LITAF: variants seen among roughly 807,000 people sequenced by gnomAD.
LITAF encodes the protein lipopolysaccharide-induced tumor necrosis factor-alpha factor.
Under a neutral mutation model 14.5 loss-of-function variants are expected in LITAF, and 9 were observed. The ratio of observed to expected loss-of-function variants is 0.62; its 90% CI spans 0.37 to 1.08. The LOEUF (loss-of-function observed/expected upper bound fraction) is 1.08, where lower values mean the gene tolerates loss of function less well. Ranked by LOEUF, LITAF falls within the 50% of genes least tolerant of loss-of-function variation. The probability of loss-of-function intolerance (pLI) is 0.01; values close to 1 mark genes in which losing one functional copy is unlikely to be tolerated. For synonymous variants in LITAF, 98 were observed against 88.2 expected (o/e 1.11, Z -0.62); for missense variants, 206 against 213.4 (o/e 0.97, Z 0.22).
intron 1 of LITAF, among the ~76,000 whole-genome samples, chr16:11,557,610 C>T (rs1455055530): frequency 2.0e-5 from 3 of 152,040 alleles, no homozygotes; most frequent in Non-Finnish European, 2.9e-5. Flanking sequence ...CCCCCCCGCC[C>T]GGCTAATGTT....
chr16:11,585,600 C>A (rs888702454), intron 1 of LITAF, among the ~76,000 whole-genome samples: 11 of 152,134 alleles, frequency 7.2e-5, no homozygotes, highest in African/African-American at 2.4e-4. Flanking sequence ...TCTCTGTAGG[C>A]ATCTGGGTTA....
intron 1 of LITAF, among the ~76,000 whole-genome samples, chr16:11,580,905 C>T (rs922035449): frequency 3.9e-5 from 6 of 152,190 alleles, no homozygotes; most frequent in African/African-American, 1.2e-4. Flanking sequence ...GCTGGGATCA[C>T]AGGCATGAGC....
At position 11,549,288 on chromosome 16, in the gene LITAF, C is replaced by T; in HGVS notation, c.*349G>A. 2.2e-6 allele frequency: 1 copy of T among 445,662 alleles called. No individual in the cohort carries two copies. The highest frequency in any genetic ancestry group is 1.6e-5 in the South Asian group (1 of 63,474). 27.6% of individuals were successfully genotyped at this position (445,662 alleles called of 1,614,324 possible). ...AGTTTGAGACTGCCACCAGAAAGGC[C>T]CATGGAAGCAGGAAAAAAGAGCCAC... On this transcript the variant is annotated 3_prime_UTR_variant, in exon 4 of 4. Transcript: ENST00000622633. The surrounding 1 kb of genome is among the most constrained non-coding windows in gnomAD (Gnocchi z 4.6).
chr16:11,554,152 A>C (rs2064229485), intron 2 of LITAF, among the ~76,000 whole-genome samples: 1 of 152,160 alleles, frequency 6.6e-6, no homozygotes, highest in South Asian at 2.1e-4. Context: ...GGATCAGTTG[A>C]GTCTGAGAGA....
In LITAF at chr16:11,632,376, TGACAGAGACAGGGAGAGG is replaced by T. The variant is rs903177699; in HGVS notation, c.85+1139_85+1156del. On this transcript the variant is annotated intron_variant, in intron 3 of 3. Coordinates refer to the LITAF transcript ENST00000574848. The surrounding 1 kb of genome is among the most constrained non-coding windows in gnomAD (Gnocchi z 4.8). ...AGAGAAGGTGAAGGAGGCACCGAGA[TGACAGAGACAGGGAGAGG>T]GACAGAGACAGGGAGAGGGACAGAG... Among the ~76,000 whole-genome samples, 12 of 149,166 alleles carry T rather than the reference TGACAGAGACAGGGAGAGG, an allele frequency of 8.0e-5. No homozygotes were observed. Among genetic ancestry groups the T allele is most frequent in the African/African-American group, 2.0e-4 (8 of 40,506 alleles).
intron 1 of LITAF, among the ~76,000 whole-genome samples, chr16:11,564,988 C>A (rs1047410107): frequency 1.4e-5 from 2 of 145,036 alleles, no homozygotes; most frequent in Non-Finnish European, 1.5e-5. Flanking sequence ...TACGAACTTA[C>A]TAAATGCACT....
At chr16:11,584,726 C>T (rs8050192) in intron 1 of LITAF, among the ~76,000 whole-genome samples, 21,267 of 152,116 alleles carry the variant, frequency 0.14, 1,739 homozygotes, top group South Asian at 0.23. Flanking sequence ...GCTTTTTCGC[C>T]GGTGTGTGTT....
At chr16:11,561,929 G>C (rs979200705) in intron 1 of LITAF, among the ~76,000 whole-genome samples, 1 of 151,116 alleles carries the variant, frequency 6.6e-6, no homozygotes, top group African/African-American at 2.4e-5. Context: ...AAGGGAGAAA[G>C]AAAGAGAGAA....
chr16:11,597,522 G>T (rs1288844394), intron 1 of LITAF, among the ~76,000 whole-genome samples: 2 of 152,112 alleles, frequency 1.3e-5, no homozygotes, highest in Non-Finnish European at 2.9e-5. Context: ...GAGAGGTCAG[G>T]CAGGTTGTCA....
intron 1 of LITAF, among the ~76,000 whole-genome samples, chr16:11,560,796 G>C (rs2141737959): frequency 6.6e-6 from 1 of 152,298 alleles, no homozygotes; most frequent in Admixed American, 6.5e-5. Flanking sequence ...GGAGGGCAGG[G>C]TGGGGCTGTA....
At chr16:11,568,641 G>C (rs1166253016) in intron 1 of LITAF, among the ~76,000 whole-genome samples, 4 of 151,148 alleles carry the variant, frequency 2.6e-5, no homozygotes, top group Non-Finnish European at 5.9e-5. Flanking sequence ...TCCACCTTCA[G>C]TGCTTGCTTG....
intron 3 of LITAF, among the ~76,000 whole-genome samples, chr16:11,614,224 T>C (rs2065002613): frequency 6.6e-6 from 1 of 152,142 alleles, no homozygotes; most frequent in Non-Finnish European, 1.5e-5. Flanking sequence ...AATCAAGATG[T>C]CAGCGGGCTG....
upstream of LITAF, among the ~76,000 whole-genome samples, chr16:11,588,406 G>A (rs1446655427): frequency 6.6e-6 from 1 of 152,016 alleles, no homozygotes; most frequent in African/African-American, 2.4e-5. Flanking sequence ...AGGAGGCTGA[G>A]GTGGGAGGAT....
intron 1 of LITAF, among the ~76,000 whole-genome samples, chr16:11,582,273 GAAAACAAGA>G (rs2064749401): frequency 8.7e-6 from 1 of 115,524 alleles, no homozygotes; most frequent in East Asian, 2.7e-4. Context: ...TAAAGGGTTT[GAAAACAAGA>G]GCAAGATATA....
At chr16:11,622,326 T>C (rs955611975) in intron 3 of LITAF, among the ~76,000 whole-genome samples, 12 of 152,248 alleles carry the variant, frequency 7.9e-5, no homozygotes, top group African/African-American at 2.7e-4. Flanking sequence ...CCAAGCCGCC[T>C]GCGGCCTCCC....
rs1424637845 is a variant in LITAF at position 11,619,568 on chromosome 16, G to GT, written c.85+13964dup. Among the ~76,000 whole-genome samples the GT allele has an allele frequency of 1.5e-4, 23 of 150,282 alleles. No homozygotes were observed. In the East Asian group the frequency reaches 3.5e-3, roughly 23 times the overall value. Reference sequence around the variant, plus strand: ...GGCTTATATTCTACTTTCCCACTTTGTTTTTGTTTTTTTTTTTGGAGACAG... The same window carrying GT: ...GGCTTATATTCTACTTTCCCACTTTGTTTTTTGTTTTTTTTTTTGGAGACAG... On this transcript the variant is annotated intron_variant, in intron 3 of 3. Coordinates refer to the LITAF transcript ENST00000574848.
intron 1 of LITAF, among the ~76,000 whole-genome samples, chr16:11,565,459 G>A (rs2064436984): frequency 6.7e-6 from 1 of 148,442 alleles, no homozygotes; most frequent in African/African-American, 2.5e-5. Context: ...GGGGGTGGGG[G>A]GAGGTGCGGG....
At chr16:11,575,642 A>G (rs2141812384) in intron 1 of LITAF, 1 of 152,402 alleles carries the variant, frequency 6.6e-6, no homozygotes, top group South Asian at 2.1e-4. Context: ...GAGAATACCA[A>G]GAGAACCACC....
intron 1 of LITAF, among the ~76,000 whole-genome samples, chr16:11,570,118 A>G (rs1424524781): frequency 6.6e-6 from 1 of 152,078 alleles, no homozygotes; most frequent in Non-Finnish European, 1.5e-5. Flanking sequence ...TCCTTGGTTC[A>G]AATCCCAACT....
Sources: gnomAD v4.1 joint callset for allele counts (sites outside exome capture counted in the v4.1 genomes callset) on GRCh38, gnomAD v4.1.1 for gene constraint, Gnocchi (gnomAD v3.1) non-coding constraint, MANE v1.5 for transcripts, NCBI Gene and HGNC (gene_info 2026-07-23, HGNC 2026-07-21) for gene names.